Variants in PHF19 observed in about 807,000 individuals in gnomAD.
PHF19 encodes the protein polycomb like 3.
In PHF19, 21 loss-of-function variants were observed where a neutral mutation model predicts 79.8. The observed-to-expected ratio is 0.26, with a 90% CI of 0.19 to 0.38. The LOEUF (loss-of-function observed/expected upper bound fraction) is 0.38, where lower values mean the gene tolerates loss of function less well. Ranked by LOEUF, PHF19 falls within the 10% of genes least tolerant of loss-of-function variation. The pLI, the probability that PHF19 is intolerant of heterozygous loss-of-function variation, is 1.00. For synonymous variants in PHF19, 273 were observed against 296.3 expected, an observed-to-expected ratio of 0.92 and a Z score of 0.81; for missense variants, 445 against 744.2, an observed-to-expected ratio of 0.60 and a Z score of 4.68.
chr9:120,857,464 C>T lies in PHF19; in HGVS notation c.*480G>A, dbSNP rs548863178. On this transcript the variant is annotated 3_prime_UTR_variant, in exon 15 of 15. Transcript: ENST00000373896. ...CAGCATCCTCTTATCCACCTTCTCC[C>T]ATGCTCTCTCAAAGGTGCCTGTTAT... is the stretch of plus-strand genomic sequence containing the variant. The T allele has an allele frequency of 6.4e-6, 1 of 155,396 alleles. No homozygotes were observed. The highest frequency in any genetic ancestry group is 2.1e-4 in the South Asian group (1 of 4,864). 9.6% of individuals were successfully genotyped at this position (155,396 alleles called of 1,614,324 possible).
upstream of PHF19, among the ~76,000 whole-genome samples, chr9:120,896,655 G>T (rs933324108): frequency 1.3e-5 from 2 of 151,728 alleles, no homozygotes; most frequent in African/African-American, 2.4e-5. Context: ...GGGTTTCACC[G>T]TGTTAGCCAG....
Position 120,864,144 on chromosome 9 carries a change from C to G in PHF19, c.901-28G>C, listed in dbSNP as rs568784199. The G allele has an allele frequency of 5.4e-4, 875 of 1,606,208 alleles. 17 individuals are homozygous for G. In the South Asian group the frequency reaches 9.3e-3, roughly 17 times the overall value. On this transcript the variant is annotated intron_variant, in intron 9 of 14. Transcript: ENST00000373896. The stretch of plus-strand genomic sequence containing the variant: ...GTGGGAGAGCAGGCCAGCAGGACAT[C>G]AGACCCAGGCATATGGCGCATGGGG...
rs2045912428 is a variant in PHF19, at chr9:120,872,037, C to CAAAAAAAAAGAAAAAAAAAAAAA, written c.269-1500_269-1499insTTTTTTTTTTTTTCTTTTTTTTT. On this transcript the variant is annotated intron_variant, in intron 3 of 14. Coordinates refer to ENST00000373896, the MANE Select transcript of PHF19 (RefSeq NM_015651.3). ...TGGGTGACAGAGCAAGACTCTGTCT[C>CAAAAAAAAAGAAAAAAAAAAAAA]AAAAAAAAAAAAAAAAAAAAAAAAA... is the stretch of plus-strand genomic sequence containing the variant. 8.7e-3 allele frequency among the ~76,000 whole-genome samples: 265 copies of CAAAAAAAAAGAAAAAAAAAAAAA among 30,324 alleles called. 19 individuals carry two copies. Among genetic ancestry groups the CAAAAAAAAAGAAAAAAAAAAAAA allele is most frequent in the Non-Finnish European group, 0.011 (207 of 18,286 alleles). 19.9% of individuals were successfully genotyped at this position (30,324 alleles called of 152,430 possible).
chr9:120,896,974 C>A (rs142373740), upstream of PHF19, among the ~76,000 whole-genome samples: 101 of 152,344 alleles, frequency 6.6e-4, no homozygotes, highest in Non-Finnish European at 1.1e-3. Context: ...ACAGCCCACC[C>A]CTGTGAAGTG....
chr9:120,860,352 T>C lies in PHF19; in HGVS notation c.1305-167A>G. The C allele has an allele frequency of 3.4e-6, 2 of 591,138 alleles. No homozygotes were observed. Among genetic ancestry groups the C allele is most frequent in the Non-Finnish European group, 6.1e-6 (2 of 327,454 alleles). 36.6% of individuals were successfully genotyped at this position (591,138 alleles called of 1,614,324 possible). A position where few individuals can be genotyped will look rare whatever the true frequency, so the allele number is the denominator to read the frequency against. ...TGTCTGTTTCCTACCCAGCCACCCT[T>C]CAAAGTCCAAGAAGTCAAAAAAACC... is the stretch of plus-strand genomic sequence containing the variant. On this transcript the variant is annotated intron_variant, in intron 13 of 14. Coordinates refer to ENST00000373896, the MANE Select transcript of PHF19 (RefSeq NM_015651.3). This position sits in a 1 kb window ranked among gnomAD's most constrained non-coding sequence, Gnocchi z 4.1.
In PHF19 at chr9:120,857,137, C is replaced by G. The variant is rs2045378719; in HGVS notation, c.*807G>C. On this transcript the variant is annotated 3_prime_UTR_variant, in exon 15 of 15. Transcript: ENST00000373896. ...ATGGTTTCCCTCCCACCACTACCAC[C>G]CCCCACCCCCGTCCCCCAGGTTTGG... The G allele has an allele frequency of 6.8e-6, 1 of 147,084 alleles. No individual in the cohort carries two copies. The highest frequency in any genetic ancestry group is 1.5e-5 in the Non-Finnish European group (1 of 66,662). The allele number at this position is 147,084 out of a possible 1,614,324, so 9.1% of individuals were successfully genotyped here. A position where few individuals can be genotyped will look rare whatever the true frequency, so the allele number is the denominator to read the frequency against.
Position 120,869,419 on chromosome 9 carries a change from C to G in PHF19, c.466-89G>C, listed in dbSNP as rs912176079. 1.4e-6 allele frequency: 2 copies of G among 1,462,980 alleles called. No individual in the cohort carries two copies. Among genetic ancestry groups the G allele is most frequent in the African/African-American group, 2.8e-5 (2 of 72,062 alleles). The allele number at this position is 1,462,980 out of a possible 1,614,324, so 90.6% of individuals were successfully genotyped here. The stretch of plus-strand genomic sequence containing the variant: ...GGCTGTCTATTGAGGGAAGTGCTGC[C>G]AGGGCTTGGGGGACCCGCAGATATT... On this transcript the variant is annotated intron_variant, in intron 5 of 14. Coordinates refer to ENST00000373896, the MANE Select transcript of PHF19 (RefSeq NM_015651.3). This position sits in a 1 kb window ranked among gnomAD's most constrained non-coding sequence, Gnocchi z 5.8.
At chr9:120,899,445 G>A (rs1490385301), upstream of PHF19, among the ~76,000 whole-genome samples, 8 of 137,076 alleles carry the variant, frequency 5.8e-5, no homozygotes, top group Non-Finnish European at 1.2e-4. Context: ...GCAGTGAGCC[G>A]AGATCACGCC....
At chr9:120,893,051 T>C (rs6478486) in intron 1 of PHF19, among the ~76,000 whole-genome samples, 104,426 of 152,098 alleles carry the variant, frequency 0.69, 36,142 homozygotes, top group South Asian at 0.82. Flanking sequence ...ACAATCTCAG[T>C]GCCACCTTAT....
At position 120,860,130 on chromosome 9, in the gene PHF19, T is replaced by G; in HGVS notation, c.1360A>C (p.Thr454Pro). 1.9e-6 allele frequency: 3 copies of G among 1,599,030 alleles called. No homozygotes were observed. Among genetic ancestry groups the G allele is most frequent in the Non-Finnish European group, 1.7e-6 (2 of 1,172,556 alleles). ...SDVDSTDAAS[T>P]SGSASTSLSY... ...AGGCTGGTGGAGGCAGAGCCAGAGG[T>G]GCTGGCAGCGTCGGTGGAGTCGACA... The change falls in exon 14 of 15, where the codon ACC becomes CCC. Residue 454 changes from threonine (T) to proline (P), a missense_variant. Thr to Pro is a conservative substitution (Grantham distance 38, BLOSUM62 -1). Around this residue, in one of 5 missense-constraint regions of PHF19, gnomAD observed 125 missense variants for 180.5 expected, o/e 0.69. Transcript: ENST00000373896. This position sits in a 1 kb window ranked among gnomAD's most constrained non-coding sequence, Gnocchi z 4.1.
At chr9:120,863,355 G>C (rs1335640151) in intron 10 of PHF19, among the ~76,000 whole-genome samples, 1 of 152,064 alleles carries the variant, frequency 6.6e-6, no homozygotes, top group African/African-American at 2.4e-5. Context: ...TCAGCGATGA[G>C]GACCTTATTT....
rs924129303 is a variant in PHF19, at chr9:120,860,183, G to C, written c.1307C>G (p.Ala436Gly). The change falls in exon 14 of 15, where the codon GCC (alanine) becomes GGC (glycine). Residue 436 changes from alanine to glycine, a missense_variant and splice_region_variant. By Grantham distance (60) the Ala-to-Gly change is moderately conservative. Around this residue, in one of 5 missense-constraint regions of PHF19, gnomAD observed 125 missense variants for 180.5 expected, o/e 0.69. Transcript: ENST00000373896. This position sits in a 1 kb window ranked among gnomAD's most constrained non-coding sequence, Gnocchi z 4.1. ...TGAGAAGAAGGTCTGGCCTGAGCTG[G>C]CACTGAGAGGGGCAAGACCGTGAGC... ...TLDEIQSLKS[A>G]SSGQTFFSDV... 6.4e-7 allele frequency: 1 copy of C among 1,569,996 alleles called. No individual in the cohort carries two copies. The highest frequency in any genetic ancestry group is 1.3e-5 in the African/African-American group (1 of 74,140).
At chr9:120,894,682 G>T in intron 1 of PHF19, 1 of 406,766 alleles carries the variant, frequency 2.5e-6, no homozygotes, top group Non-Finnish European at 4.0e-6. Context: ...GAATGCGAGC[G>T]CCGCTCAATG....
At chr9:120,887,064 TAAAAA>T (rs767884631) in intron 1 of PHF19, among the ~76,000 whole-genome samples, 1 of 71,306 alleles carries the variant, frequency 1.4e-5, no homozygotes, top group African/African-American at 6.5e-5. Flanking sequence ...AGACTCTGTC[TAAAAA>T]AAAAAAAAGA....
chr9:120,889,757 G>A (rs1436030067), intron 1 of PHF19, among the ~76,000 whole-genome samples: 3 of 149,380 alleles, frequency 2.0e-5, no homozygotes, highest in Non-Finnish European at 4.4e-5. Flanking sequence ...AAAAAAGAAA[G>A]AGAGAGAGAG....
At chr9:120,895,327 C>A (rs1588143054), upstream of PHF19, among the ~76,000 whole-genome samples, 1 of 151,928 alleles carries the variant, frequency 6.6e-6, no homozygotes, top group Non-Finnish European at 1.5e-5. Flanking sequence ...GGGCTAATGC[C>A]AGTAATCCTA....
In PHF19 at chr9:120,862,092, G is replaced by T; in HGVS notation, c.1131-87C>A. 1 of 907,762 alleles carries T rather than the reference G, an allele frequency of 1.1e-6. No homozygotes were observed. The highest frequency in any genetic ancestry group is 1.9e-6 in the Non-Finnish European group (1 of 539,280). 56.2% of individuals were successfully genotyped at this position (907,762 alleles called of 1,614,324 possible). A position where few individuals can be genotyped will look rare whatever the true frequency, so the allele number is the denominator to read the frequency against. ...AGAGGGAGGCGCCGCAGGGGCGGGGGTCACAGCAGTTGGGGAGACAGGCTC... is the reference window on the plus strand; with the variant it reads ...AGAGGGAGGCGCCGCAGGGGCGGGGTTCACAGCAGTTGGGGAGACAGGCTC... On this transcript the variant is annotated intron_variant, in intron 11 of 14. Coordinates refer to ENST00000373896, the MANE Select transcript of PHF19 (RefSeq NM_015651.3). This position sits in a 1 kb window ranked among gnomAD's most constrained non-coding sequence, Gnocchi z 4.6.
chr9:120,893,780 G>A (rs982906670), intron 1 of PHF19, among the ~76,000 whole-genome samples: 1 of 152,208 alleles, frequency 6.6e-6, no homozygotes, highest in African/African-American at 2.4e-5. Flanking sequence ...ATACTGTTAC[G>A]AGGGAGAAAA....
chr9:120,868,050 T>C (rs1180514325), intron 6 of PHF19, among the ~76,000 whole-genome samples: 1 of 151,742 alleles, frequency 6.6e-6, no homozygotes, highest in Non-Finnish European at 1.5e-5. Context: ...CCTGCCTGAT[T>C]GCACATCTCC....
Sources: gnomAD v4.1 joint callset for allele counts (sites outside exome capture counted in the v4.1 genomes callset) on GRCh38, gnomAD v4.1.1 for gene constraint, gnomAD v4.1.1 regional missense constraint, Gnocchi (gnomAD v3.1) non-coding constraint, MANE v1.5 for transcripts, NCBI Gene and HGNC (gene_info 2026-07-23, HGNC 2026-07-21) for gene names.